Variants in MAGI1 observed in about 807,000 individuals in gnomAD.
MAGI1 encodes the protein membrane-associated guanylate kinase, WW and PDZ domain-containing protein 1.
A neutral mutation model predicts 139.9 loss-of-function variants in MAGI1; 58 were observed. The ratio of observed to expected loss-of-function variants is 0.41; its 90% CI spans 0.34 to 0.52. The LOEUF (loss-of-function observed/expected upper bound fraction) is 0.52, where lower values mean the gene tolerates loss of function less well. MAGI1 is among the 20% of genes least tolerant of loss of function. The pLI, the probability that MAGI1 is intolerant of heterozygous loss-of-function variation, is 0.12. For missense variants in MAGI1, 1,874 were observed against 1,901.6 expected (o/e 0.99, Z 0.27); for synonymous variants, 812 against 737.9 (o/e 1.10, Z -1.63).
At chr3:65,504,522 T>A (rs2077202411) in intron 2 of MAGI1, among the ~76,000 whole-genome samples, 1 of 151,910 alleles carries the variant, frequency 6.6e-6, no homozygotes, top group South Asian at 2.1e-4. Flanking sequence ...TGTTACTAGG[T>A]GGGAACTTCT....
At position 65,370,255 on chromosome 3, in the gene MAGI1, G is replaced by A. The variant is rs183004172; in HGVS notation, c.3197-5309C>T. Reference sequence around the variant, plus strand: ...TGCACTCTAGCCTGGGTGACACAGCGAGACTCCGTCTCAAAAAAAAAAAAT... The same window carrying A: ...TGCACTCTAGCCTGGGTGACACAGCAAGACTCCGTCTCAAAAAAAAAAAAT... On this transcript the variant is annotated intron_variant, in intron 18 of 22. Transcript: ENST00000402939. Among the ~76,000 whole-genome samples the A allele has an allele frequency of 1.1e-3, 169 of 152,010 alleles. 1 individual carries two copies. The highest frequency in any genetic ancestry group is 1.7e-3 in the Non-Finnish European group (113 of 67,980).
chr3:65,390,526 A>T (rs1458595853), intron 14 of MAGI1, among the ~76,000 whole-genome samples: 1 of 152,202 alleles, frequency 6.6e-6, no homozygotes. Flanking sequence ...GACGTTAAAC[A>T]TGAGGGTGAT....
chr3:65,865,234 C>T (rs1248881881), intron 1 of MAGI1, among the ~76,000 whole-genome samples: 3 of 151,566 alleles, frequency 2.0e-5, no homozygotes, highest in Admixed American at 6.6e-5. Context: ...AGATTTTTAC[C>T]AAATAAATAG....
Position 65,453,343 on chromosome 3 carries a change from G to A in MAGI1, c.960-3C>T, listed in dbSNP as rs1215573142. 3 of 1,561,728 alleles carry A rather than the reference G, an allele frequency of 1.9e-6. No individual in the cohort carries two copies. The highest frequency in any genetic ancestry group is 2.6e-6 in the Non-Finnish European group (3 of 1,151,412). ...AAGATGTTGTTTTCGTGTTATGGCT[G>A]CAATCCAGAAACAAAAATAAGAAAT... On this transcript the variant is annotated splice_polypyrimidine_tract_variant and splice_region_variant and intron_variant, in intron 5 of 22. Transcript: ENST00000402939.
At chr3:65,379,152 G>A (rs1406914560) in intron 17 of MAGI1, 109 bp downstream of exon 17, 1 of 1,571,068 alleles carries the variant, frequency 6.4e-7, no homozygotes, top group Non-Finnish European at 8.6e-7. Flanking sequence ...AGAGCAAGAA[G>A]CTATAAAGCA....
At chr3:65,984,056 G>T (rs1033431855) in intron 1 of MAGI1, among the ~76,000 whole-genome samples, 17 of 152,302 alleles carry the variant, frequency 1.1e-4, no homozygotes, top group African/African-American at 2.9e-4. Flanking sequence ...CACTTTGGGA[G>T]GCTAAGGCGG....
At chr3:65,491,329 T>C (rs1282203584) in intron 3 of MAGI1, among the ~76,000 whole-genome samples, 1 of 152,106 alleles carries the variant, frequency 6.6e-6, no homozygotes, top group Non-Finnish European at 1.5e-5. Context: ...AATGATAAAA[T>C]TAAATGAGAA....
At chr3:65,580,361 T>C (rs2081362530) in intron 2 of MAGI1, among the ~76,000 whole-genome samples, 1 of 151,996 alleles carries the variant, frequency 6.6e-6, no homozygotes, top group Non-Finnish European at 1.5e-5. Flanking sequence ...TTGCTTTTAA[T>C]TTTAACCTTC....
intron 12 of MAGI1, among the ~76,000 whole-genome samples, chr3:65,405,106 C>A (rs2107146397): frequency 6.6e-6 from 1 of 152,288 alleles, no homozygotes; most frequent in South Asian, 2.1e-4. Context: ...GCAAATATTA[C>A]TTCTAAGGGA....
At chr3:65,516,946 T>A (rs1406642592) in intron 2 of MAGI1, among the ~76,000 whole-genome samples, 3 of 151,466 alleles carry the variant, frequency 2.0e-5, no homozygotes, top group Middle Eastern at 3.4e-3. Flanking sequence ...GCCGGGATGG[T>A]CTCGATCTCC....
intron 5 of MAGI1, among the ~76,000 whole-genome samples, chr3:65,454,146 C>A (rs1241403302): frequency 2.6e-5 from 4 of 152,128 alleles, no homozygotes; most frequent in African/African-American, 9.7e-5. Flanking sequence ...GTGGCTGGGA[C>A]AAAGTTCTGC....
At chr3:65,594,759 G>A (rs993215147) in intron 2 of MAGI1, among the ~76,000 whole-genome samples, 1 of 152,088 alleles carries the variant, frequency 6.6e-6, no homozygotes, top group South Asian at 2.1e-4. Flanking sequence ...AAATACAGTT[G>A]CAAAGAAAAA....
chr3:65,402,643 C>T (rs1031835137), intron 12 of MAGI1, among the ~76,000 whole-genome samples: 4 of 151,986 alleles, frequency 2.6e-5, no homozygotes, highest in Non-Finnish European at 4.4e-5. Context: ...GGGAGTGTGA[C>T]GATCTCAACT....
At chr3:65,863,312 G>A (rs2059615322) in intron 1 of MAGI1, among the ~76,000 whole-genome samples, 1 of 152,182 alleles carries the variant, frequency 6.6e-6, no homozygotes, top group South Asian at 2.1e-4. Context: ...ATAGCCAAGT[G>A]TCTCTCTGTG....
At chr3:65,599,396 GT>G (rs1424649361) in intron 2 of MAGI1, among the ~76,000 whole-genome samples, 2 of 152,142 alleles carry the variant, frequency 1.3e-5, no homozygotes, top group Admixed American at 1.3e-4. Flanking sequence ...ACCTAGGCAT[GT>G]CCATCTGAAA....
At chr3:65,599,046 T>C (rs557679002) in intron 2 of MAGI1, among the ~76,000 whole-genome samples, 1 of 152,196 alleles carries the variant, frequency 6.6e-6, no homozygotes, top group South Asian at 2.1e-4. Flanking sequence ...CGTGCAAGCA[T>C]CCTCCAAGAA....
At chr3:66,018,026 C>G (rs1418273967) in intron 1 of MAGI1, among the ~76,000 whole-genome samples, 1 of 147,044 alleles carries the variant, frequency 6.8e-6, no homozygotes, top group East Asian at 2.0e-4. Context: ...CTCCTTTGAT[C>G]TTGGTCAGAG....
chr3:65,359,504 C>T (rs1940570668), intron 22 of MAGI1: 8 of 1,039,598 alleles, frequency 7.7e-6, no homozygotes, highest in Admixed American at 5.1e-5. Context: ...AACAAAAGAA[C>T]AAAATCCCTT....
chr3:65,965,990 T>C (rs2064720634), intron 1 of MAGI1, among the ~76,000 whole-genome samples: 1 of 152,182 alleles, frequency 6.6e-6, no homozygotes, highest in South Asian at 2.1e-4. Flanking sequence ...TATGGGTTAC[T>C]TCTCAGAGAT....
Sources: gnomAD v4.1 joint callset for allele counts (sites outside exome capture counted in the v4.1 genomes callset) on GRCh38, gnomAD v4.1.1 for gene constraint, MANE v1.5 for transcripts, NCBI Gene and HGNC (gene_info 2026-07-23, HGNC 2026-07-21) for gene names.